The following CREB5 variants were observed in gnomAD, a reference collection of about 807,000 sequenced individuals.
CREB5 encodes cAMP responsive element binding protein 5.
In CREB5, 19 loss-of-function variants were observed where a neutral mutation model predicts 57.1. The ratio of observed to expected loss-of-function variants is 0.33; its 90% CI spans 0.23 to 0.49. CREB5 has a LOEUF of 0.49. Ranked by LOEUF, CREB5 falls within the 20% of genes least tolerant of loss-of-function variation. The pLI, the probability that CREB5 is intolerant of heterozygous loss-of-function variation, is 0.99. For synonymous variants in CREB5, 238 were observed against 238.3 expected (o/e 1.00, Z 0.01); for missense variants, 579 against 671.6 (o/e 0.86, Z 1.52).
intron 4 of CREB5, among the ~76,000 whole-genome samples, chr7:28,544,909 C>A (rs1201992537): frequency 6.6e-6 from 1 of 152,210 alleles, no homozygotes; most frequent in Admixed American, 6.5e-5. Context: ...CTGGGAACAG[C>A]TCTGCTTGGT....
At chr7:28,567,012 A>G (rs1421008355) in intron 4 of CREB5, among the ~76,000 whole-genome samples, 1 of 152,196 alleles carries the variant, frequency 6.6e-6, no homozygotes, top group Non-Finnish European at 1.5e-5. Context: ...CTTATTTAAC[A>G]TGCTTTACTC....
intron 3 of CREB5, among the ~76,000 whole-genome samples, chr7:28,503,297 C>A (rs773395798): frequency 2.6e-5 from 4 of 152,156 alleles, no homozygotes; most frequent in Non-Finnish European, 5.9e-5. Flanking sequence ...AATTGATAAT[C>A]CTAACAACTT....
intron 1 of CREB5, among the ~76,000 whole-genome samples, chr7:28,330,059 C>A (rs1271988249): frequency 1.3e-5 from 2 of 150,858 alleles, no homozygotes; most frequent in African/African-American, 4.8e-5. Context: ...AAGGTTAGGT[C>A]CCCTGAAGGG....
At chr7:28,338,044 G>A (rs1033112088) in intron 1 of CREB5, among the ~76,000 whole-genome samples, 1 of 151,904 alleles carries the variant, frequency 6.6e-6, no homozygotes, top group Non-Finnish European at 1.5e-5. Flanking sequence ...ACTTTATGTT[G>A]TTTCTATTTT....
intron 7 of CREB5, among the ~76,000 whole-genome samples, chr7:28,800,126 T>G (rs1319941954): frequency 6.6e-6 from 1 of 152,180 alleles, no homozygotes; most frequent in Non-Finnish European, 1.5e-5. Flanking sequence ...ATACTCAAAT[T>G]ATATCGCTAC....
chr7:28,599,959 G>T (rs1230754648), intron 5 of CREB5, among the ~76,000 whole-genome samples: 1 of 152,210 alleles, frequency 6.6e-6, no homozygotes, highest in African/African-American at 2.4e-5. Flanking sequence ...GACCACAGGG[G>T]ATCAATAATT....
chr7:28,499,299 A>T (rs1792181164), intron 3 of CREB5, among the ~76,000 whole-genome samples: 1 of 152,090 alleles, frequency 6.6e-6, no homozygotes, highest in South Asian at 2.1e-4. Context: ...GGAGCACATG[A>T]CTTTTTCTCC....
At chr7:28,583,569 A>C (rs1012120164) in intron 5 of CREB5, among the ~76,000 whole-genome samples, 1 of 152,216 alleles carries the variant, frequency 6.6e-6, no homozygotes, top group African/African-American at 2.4e-5. Context: ...GGCAGGGTAC[A>C]CTTACACATG....
chr7:28,813,989 T>G lies in CREB5; in HGVS notation c.1255-4082T>G, dbSNP rs73291329. ...AAGACCTAAAACTCTGATTATAACC[T>G]TCATAGGGGAATACAAAATGGTGAT... On this transcript the variant is annotated intron_variant, in intron 9 of 10. Transcript: ENST00000357727. Among the ~76,000 whole-genome samples the G allele has an allele frequency of 5.5e-3, 845 of 152,346 alleles. 7 individuals are homozygous for G. Among genetic ancestry groups the G allele is most frequent in the African/African-American group, 0.019 (808 of 41,588 alleles).
At chr7:28,391,924 T>C (rs1248857062) in intron 1 of CREB5, among the ~76,000 whole-genome samples, 1 of 152,054 alleles carries the variant, frequency 6.6e-6, no homozygotes, top group Admixed American at 6.5e-5. Context: ...AATGTGGCTG[T>C]TCTAGGAATG....
At chr7:28,807,804 C>G (rs1808834963) in intron 8 of CREB5, among the ~76,000 whole-genome samples, 3 of 151,834 alleles carry the variant, frequency 2.0e-5, no homozygotes, top group Admixed American at 2.0e-4. Context: ...AAAAAAACAC[C>G]TTTTATTGAG....
intron 7 of CREB5, among the ~76,000 whole-genome samples, chr7:28,774,156 G>T (rs543072988): frequency 6.6e-6 from 1 of 152,260 alleles, no homozygotes; most frequent in African/African-American, 2.4e-5. Context: ...CTATTTCATA[G>T]TTGCTGTTTA....
chr7:28,400,636 T>C (rs771283969), intron 1 of CREB5, among the ~76,000 whole-genome samples: 5 of 152,206 alleles, frequency 3.3e-5, no homozygotes, highest in Non-Finnish European at 7.3e-5. Flanking sequence ...GTGGGTAATA[T>C]TCAAGATTCA....
intron 1 of CREB5, among the ~76,000 whole-genome samples, chr7:28,355,720 A>C (rs1439027295): frequency 6.6e-6 from 1 of 152,234 alleles, no homozygotes; most frequent in East Asian, 1.9e-4. Context: ...ATCACCTGAC[A>C]GGATAAAGCT....
intron 9 of CREB5, among the ~76,000 whole-genome samples, chr7:28,817,729 T>C (rs933838901): frequency 2.0e-5 from 3 of 152,222 alleles, no homozygotes; most frequent in African/African-American, 7.2e-5. Flanking sequence ...ACGAGGTTGC[T>C]GGAGCTCAGC....
chr7:28,682,919 C>T (rs1800674890), intron 5 of CREB5, among the ~76,000 whole-genome samples: 1 of 152,198 alleles, frequency 6.6e-6, no homozygotes, highest in South Asian at 2.1e-4. Context: ...AAGGTTTCCA[C>T]TTCTTCGGAG....
chr7:28,450,783 T>C (rs577395842), intron 1 of CREB5, among the ~76,000 whole-genome samples: 13 of 152,378 alleles, frequency 8.5e-5, no homozygotes, highest in African/African-American at 2.9e-4. Flanking sequence ...ATATATTCTC[T>C]GCAATTCATG....
chr7:28,409,011 G>A (rs1472057897), upstream of CREB5, among the ~76,000 whole-genome samples: 1 of 143,340 alleles, frequency 7.0e-6, no homozygotes, highest in East Asian at 2.1e-4. The surrounding 1 kb of genome is among the most constrained non-coding windows in gnomAD (Gnocchi z 4.4). Flanking sequence ...CCCCGCAGAA[G>A]AGCCCACGCC....
intron 5 of CREB5, among the ~76,000 whole-genome samples, chr7:28,637,997 G>C (rs187683645): frequency 3.0e-4 from 46 of 152,182 alleles, no homozygotes; most frequent in Middle Eastern, 3.4e-3. Flanking sequence ...GACTTAATAT[G>C]CATCTTTGGG....
Sources: allele counts gnomAD v4.1 joint callset (sites outside exome capture counted in the v4.1 genomes callset), GRCh38; gene constraint gnomAD v4.1.1; non-coding constraint Gnocchi (gnomAD v3.1); transcripts MANE v1.5; gene names NCBI Gene and HGNC (gene_info 2026-07-23, HGNC 2026-07-21).